The following KCNT2 variants were observed in gnomAD, a reference collection of about 807,000 sequenced individuals.
KCNT2 encodes the protein potassium channel subfamily T member 2.
A neutral mutation model predicts 153.8 loss-of-function variants in KCNT2; 67 were observed. The ratio of observed to expected loss-of-function variants is 0.44; its 90% confidence interval spans 0.36 to 0.53. KCNT2 has a LOEUF of 0.53. Ranked by LOEUF, KCNT2 falls within the 20% of genes least tolerant of loss-of-function variation. The pLI is 0.00. For synonymous variants in KCNT2, 500 were observed against 458.8 expected (o/e 1.09, Z -1.15); for missense variants, 975 against 1,354.8 (o/e 0.72, Z 4.40).
At chr1:196,416,084 C>T (rs551600107) in intron 12 of KCNT2, among the ~76,000 whole-genome samples, 16 of 151,816 alleles carry the variant, frequency 1.1e-4, no homozygotes, top group African/African-American at 3.6e-4. Flanking sequence ...CCACCCAGGA[C>T]ATGAATTATC....
intron 1 of KCNT2, among the ~76,000 whole-genome samples, chr1:196,597,969 T>G (rs1347393467): frequency 6.6e-6 from 1 of 152,030 alleles, no homozygotes; most frequent in Admixed American, 6.6e-5. Context: ...GAGAAAAAAA[T>G]CAATTTCACT....
rs187627869 is a variant in KCNT2, at chr1:196,309,704, G to C, written c.2484-4359C>G. 6.1e-4 allele frequency among the ~76,000 whole-genome samples: 92 copies of C among 151,814 alleles called. No individual in the cohort carries two copies. In the East Asian group the frequency reaches 0.017, roughly 28 times the overall value. ...TATAATATTTTATATTTACAAATTT[G>C]GTTGTCTAATAGATTTATTTAGTCT... On this transcript the variant is annotated intron_variant, in intron 21 of 27. Transcript: ENST00000294725.
intron 19 of KCNT2, among the ~76,000 whole-genome samples, chr1:196,322,271 C>T (rs1418599832): frequency 6.6e-6 from 1 of 151,464 alleles, no homozygotes; most frequent in South Asian, 2.1e-4. Flanking sequence ...AAATAAATGT[C>T]GAAAAATTGT....
At chr1:196,234,156 C>T (rs1244474743) in intron 27 of KCNT2, among the ~76,000 whole-genome samples, 1 of 151,250 alleles carries the variant, frequency 6.6e-6, no homozygotes, top group African/African-American at 2.4e-5. Context: ...ATCAAAATAT[C>T]ACATGTACCT....
chr1:196,405,262 A>G (rs960924598), intron 12 of KCNT2, among the ~76,000 whole-genome samples: 74 of 151,590 alleles, frequency 4.9e-4, no homozygotes, highest in African/African-American at 1.8e-3. Context: ...TTCGAATCAT[A>G]GAGTAAAATG....
At chr1:196,424,143 G>T (rs958576307) in intron 11 of KCNT2, among the ~76,000 whole-genome samples, 2 of 151,602 alleles carry the variant, frequency 1.3e-5, no homozygotes, top group African/African-American at 4.8e-5. Context: ...TCACATGGAG[G>T]AATTCTTCTT....
At chr1:196,314,393 G>GA (rs944472941) in intron 21 of KCNT2, among the ~76,000 whole-genome samples, 8 of 151,076 alleles carry the variant, frequency 5.3e-5, no homozygotes, top group South Asian at 4.2e-4. Context: ...ATTCTCTAGA[G>GA]AAAAAAAATT....
chr1:196,595,923 A>G (rs1396393561), intron 1 of KCNT2, among the ~76,000 whole-genome samples: 1 of 151,882 alleles, frequency 6.6e-6, no homozygotes, highest in Non-Finnish European at 1.5e-5. Flanking sequence ...TCCACTTACA[A>G]GTGAGAACAC....
intron 1 of KCNT2, among the ~76,000 whole-genome samples, chr1:196,603,075 C>T (rs899326604): frequency 8.5e-5 from 13 of 152,054 alleles, no homozygotes; most frequent in Middle Eastern, 3.2e-3. Flanking sequence ...CGTGAGCCAC[C>T]GCGCCCGGCC....
At chr1:196,382,525 ATATAT>A (rs1217380456) in intron 13 of KCNT2, among the ~76,000 whole-genome samples, 3 of 152,136 alleles carry the variant, frequency 2.0e-5, no homozygotes, top group Admixed American at 6.6e-5. Flanking sequence ...GTTTACACAA[ATATAT>A]TAAGAAAGAA....
chr1:196,523,103 C>T (rs1342546708), intron 1 of KCNT2, among the ~76,000 whole-genome samples: 1 of 152,218 alleles, frequency 6.6e-6, no homozygotes, highest in Non-Finnish European at 1.5e-5. Flanking sequence ...TGCAGCTTCA[C>T]TCCTGAAGTC....
At chr1:196,456,640 C>A (rs1431864829) in intron 8 of KCNT2, among the ~76,000 whole-genome samples, 1 of 151,826 alleles carries the variant, frequency 6.6e-6, no homozygotes, top group Non-Finnish European at 1.5e-5. Flanking sequence ...GTAATAGATG[C>A]AATTAAATTG....
At chr1:196,444,429 G>A (rs1675511825) in intron 8 of KCNT2, among the ~76,000 whole-genome samples, 1 of 150,966 alleles carries the variant, frequency 6.6e-6, no homozygotes, top group Admixed American at 6.6e-5. Context: ...TGCCTATTCT[G>A]CTTTCCTTTG....
chr1:196,468,099 T>C (rs1282439298), intron 6 of KCNT2, among the ~76,000 whole-genome samples: 1 of 152,100 alleles, frequency 6.6e-6, no homozygotes. Context: ...TTGACTTCCT[T>C]TTCTCTGTAA....
Position 196,482,448 on chromosome 1 carries a change from T to TA in KCNT2, c.276-70dup, listed in dbSNP as rs201407164. ...AATCTATTCACTTTTAAAATTCAGT[T>TA]AAAGTTGGAAATATTAAAATATGCT... On this transcript the variant is annotated intron_variant, in intron 3 of 27. Coordinates refer to ENST00000294725, the MANE Select transcript of KCNT2 (RefSeq NM_198503.5). 8.0e-3 allele frequency: 6,731 copies of TA among 842,320 alleles called. 41 individuals carry two copies. The highest frequency in any genetic ancestry group is 0.01 in the Non-Finnish European group (5,775 of 553,100). 52.2% of individuals were successfully genotyped at this position (842,320 alleles called of 1,614,324 possible).
intron 1 of KCNT2, among the ~76,000 whole-genome samples, chr1:196,605,662 C>A (rs2149041507): frequency 6.6e-6 from 1 of 152,150 alleles, no homozygotes; most frequent in South Asian, 2.1e-4. Flanking sequence ...AGAATTGAGT[C>A]CAAGAAGATA....
intron 1 of KCNT2, among the ~76,000 whole-genome samples, chr1:196,606,674 A>G (rs1665360209): frequency 6.6e-6 from 1 of 152,296 alleles, no homozygotes; most frequent in South Asian, 2.1e-4. Context: ...CAAACAAACA[A>G]CAATACCATC....
At chr1:196,241,719 T>C (rs1176556067) in intron 26 of KCNT2, among the ~76,000 whole-genome samples, 3 of 152,062 alleles carry the variant, frequency 2.0e-5, no homozygotes, top group African/African-American at 7.2e-5. Flanking sequence ...ACAAGCTACA[T>C]TTTAACTTGC....
intron 1 of KCNT2, among the ~76,000 whole-genome samples, chr1:196,589,501 AT>A (rs1663087013): frequency 6.6e-6 from 1 of 152,046 alleles, no homozygotes; most frequent in African/African-American, 2.4e-5. Flanking sequence ...TAAGCATAAC[AT>A]TTTTCCTCAT....
Sources: gnomAD v4.1 joint callset for allele counts (sites outside exome capture counted in the v4.1 genomes callset) on GRCh38, gnomAD v4.1.1 for gene constraint, MANE v1.5 for transcripts, NCBI Gene and HGNC (gene_info 2026-07-23, HGNC 2026-07-21) for gene names.